OLFM1: variants seen among roughly 807,000 people sequenced by gnomAD.
OLFM1 encodes the protein noelin.
OLFM1 carries 9 observed loss-of-function variants against 49.7 expected under a neutral mutation model. The ratio of observed to expected loss-of-function variants is 0.18; its 90% CI spans 0.11 to 0.32. The LOEUF (loss-of-function observed/expected upper bound fraction) is 0.32, where lower values mean the gene tolerates loss of function less well. Ranked by LOEUF, OLFM1 falls within the 10% of genes least tolerant of loss-of-function variation. The pLI, the probability that OLFM1 is intolerant of heterozygous loss-of-function variation, is 1.00. For synonymous variants in OLFM1, 240 were observed against 271.8 expected (o/e 0.88, Z 1.15); for missense variants, 369 against 661.8 (o/e 0.56, Z 4.85).
chr9:135,102,551 G>A (rs1464205567), intron 4 of OLFM1, among the ~76,000 whole-genome samples: 1 of 152,296 alleles, frequency 6.6e-6, no homozygotes, highest in Non-Finnish European at 1.5e-5. Flanking sequence ...CTGGAGGCCC[G>A]CCCTTCCTGC....
At chr9:135,095,670 A>C (rs1384849366) in intron 2 of OLFM1, among the ~76,000 whole-genome samples, 194 bp from the exon 3 acceptor site, 1 of 152,076 alleles carries the variant, frequency 6.6e-6, no homozygotes, top group African/African-American at 2.4e-5. Flanking sequence ...TACCCAACCA[A>C]TTTGCTGTGT....
intron 1 of OLFM1, among the ~76,000 whole-genome samples, chr9:135,089,092 G>A (rs1462571405): frequency 6.6e-6 from 1 of 152,208 alleles, no homozygotes; most frequent in Non-Finnish European, 1.5e-5. Context: ...CAGGGGTTTA[G>A]TGCCCTGCGA....
intron 5 of OLFM1, among the ~76,000 whole-genome samples, chr9:135,108,249 C>T (rs1460846154): frequency 6.6e-6 from 1 of 152,172 alleles, no homozygotes; most frequent in Non-Finnish European, 1.5e-5. Flanking sequence ...TGGAAAACCC[C>T]ACTTATGTTC....
chr9:135,075,601 G>T (rs1830452471), exon 1 of OLFM1: 1 of 673,568 alleles, frequency 1.5e-6, no homozygotes, highest in Non-Finnish European at 2.2e-6. Context: ...ATCCAGGCGT[G>T]GGGACACGAG....
chr9:135,120,312 G>A lies in OLFM1; in HGVS notation c.*134G>A, dbSNP rs763615586. On this transcript the variant is annotated 3_prime_UTR_variant, in exon 6 of 6. Transcript: ENST00000371793. Reference sequence around the variant, plus strand: ...CATCAGCAGTGCGGATTCTGACATCGAGGGATGGCATTACCTCCGTGTTTC... The same window carrying A: ...CATCAGCAGTGCGGATTCTGACATCAAGGGATGGCATTACCTCCGTGTTTC... 20 of 774,236 alleles carry A rather than the reference G, an allele frequency of 2.6e-5. No homozygotes were observed. The highest frequency in any genetic ancestry group is 3.2e-5 in the Non-Finnish European group (16 of 494,936). 48.0% of individuals were successfully genotyped at this position (774,236 alleles called of 1,614,324 possible).
upstream of OLFM1, among the ~76,000 whole-genome samples, chr9:135,084,230 A>G (rs1037796634): frequency 5.9e-5 from 9 of 152,180 alleles, no homozygotes; most frequent in African/African-American, 1.9e-4. This position sits in a 1 kb window ranked among gnomAD's most constrained non-coding sequence, Gnocchi z 4.6. Flanking sequence ...AAAGCTACAT[A>G]CAACGTAGAA....
At position 135,098,364 on chromosome 9, in the gene OLFM1, T is replaced by C; in HGVS notation, c.535T>C (p.Leu179=). The part of the protein sequence containing the change: ...EEYKADAKLV[L]QFKEEVQNLT... ...GTACAAGGCCGATGCCAAATTGGTA[T>C]TGCAGTTTAAAGAGGAGGTCCAGAA... The change falls in exon 4 of 6, where the codon TTG becomes CTG. Residue 179 remains leucine, a synonymous_variant. Transcript: ENST00000371793. This position sits in a 1 kb window ranked among gnomAD's most constrained non-coding sequence, Gnocchi z 5.6. 3 of 1,613,934 alleles carry C rather than the reference T, an allele frequency of 1.9e-6. No homozygotes were observed. The highest frequency in any genetic ancestry group is 2.5e-6 in the Non-Finnish European group (3 of 1,180,030).
rs118141801 is a variant in OLFM1 at position 135,080,789 on chromosome 9, G to A, written c.96+4987G>A. On this transcript the variant is annotated intron_variant, in intron 1 of 5. Transcript: ENST00000252854. This position sits in a 1 kb window ranked among gnomAD's most constrained non-coding sequence, Gnocchi z 4.5. The stretch of plus-strand genomic sequence containing the variant: ...CAACCACGAGCTAGGCTGACAGGGC[G>A]AGCAGCCAATTTCCAGCTCTGAAAG... Among the ~76,000 whole-genome samples the A allele has an allele frequency of 2.8e-4, 43 of 152,214 alleles. 1 individual carries two copies. The East Asian group carries it at 7.7e-3, about 27-fold the overall frequency.
Position 135,087,828 on chromosome 9 carries a change from C to G in OLFM1, c.-162C>G. 8 of 899,798 alleles carry G rather than the reference C, an allele frequency of 8.9e-6. No individual in the cohort carries two copies. The highest frequency in any genetic ancestry group is 9.3e-6 in the Non-Finnish European group (7 of 754,732). The allele number at this position is 899,798 out of a possible 1,614,324, so 55.7% of individuals were successfully genotyped here. A position where few individuals can be genotyped will look rare whatever the true frequency, so the allele number is the denominator to read the frequency against. ...GGGGAAGGCGCGGCGATGGCCGGGG[C>G]GCGCGGGGCGGCGGCGGCGGCGGGC... On this transcript the variant is annotated 5_prime_UTR_variant, in exon 1 of 6. Coordinates refer to ENST00000371793, the MANE Select transcript of OLFM1 (RefSeq NM_001282611.2).
At position 135,088,233 on chromosome 9, in the gene OLFM1, C is replaced by T. The variant is rs1830628517; in HGVS notation, c.150+94C>T. ...AGCCCCGGGCTGGGCGGGCGCCGCG[C>T]GGGACCCGAGTCGCCCAGGGAGGCG... is the stretch of plus-strand genomic sequence containing the variant. On this transcript the variant is annotated intron_variant, in intron 1 of 5. Coordinates refer to ENST00000371793, the MANE Select transcript of OLFM1 (RefSeq NM_001282611.2). This position sits in a 1 kb window ranked among gnomAD's most constrained non-coding sequence, Gnocchi z 4.8. The T allele has an allele frequency of 2.6e-6, 3 of 1,148,596 alleles. No individual in the cohort carries two copies. Among genetic ancestry groups the T allele is most frequent in the Admixed American group, 4.5e-5 (1 of 22,390 alleles). The allele number at this position is 1,148,596 out of a possible 1,614,324, so 71.2% of individuals were successfully genotyped here.
At chr9:135,085,664 G>A (rs1029508325), upstream of OLFM1, among the ~76,000 whole-genome samples, 6 of 152,266 alleles carry the variant, frequency 3.9e-5, no homozygotes, top group Admixed American at 2.6e-4. Context: ...GGGATTGAAA[G>A]TCCTCTTTAG....
intron 5 of OLFM1, among the ~76,000 whole-genome samples, chr9:135,107,153 GGGC>G (rs1329058191): frequency 6.6e-6 from 1 of 151,978 alleles, no homozygotes. Context: ...GGGCTGGGCT[GGGC>G]TGGGCTGGGC....
chr9:135,111,247 C>T (rs1489279909), intron 5 of OLFM1, among the ~76,000 whole-genome samples: 2 of 152,212 alleles, frequency 1.3e-5, no homozygotes, highest in African/African-American at 4.8e-5. Context: ...AGGAAGAACC[C>T]ACCCGTTGCT....
At chr9:135,103,012 C>G (rs542092182) in intron 4 of OLFM1, among the ~76,000 whole-genome samples, 27 of 152,360 alleles carry the variant, frequency 1.8e-4, no homozygotes, top group Non-Finnish European at 5.9e-5. Context: ...ATCAGCTTGT[C>G]CAGGCTCCCG....
chr9:135,088,922 G>A lies in OLFM1; in HGVS notation c.150+783G>A, dbSNP rs990599706. Among the ~76,000 whole-genome samples, 5 of 152,236 alleles carry A rather than the reference G, an allele frequency of 3.3e-5. No individual in the cohort carries two copies. Among genetic ancestry groups the A allele is most frequent in the Non-Finnish European group, 5.9e-5 (4 of 68,032 alleles). Reference sequence around the variant, plus strand: ...GTGGCCGGGGCTGCTTCTGGGCAGAGCTGACTTAGATGGCTGAGCGAGGCT... The same window carrying A: ...GTGGCCGGGGCTGCTTCTGGGCAGAACTGACTTAGATGGCTGAGCGAGGCT... On this transcript the variant is annotated intron_variant, in intron 1 of 5. Transcript: ENST00000371793. This position sits in a 1 kb window ranked among gnomAD's most constrained non-coding sequence, Gnocchi z 4.8.
intron 1 of OLFM1, among the ~76,000 whole-genome samples, 186 bp from the exon 2 acceptor site, chr9:135,090,009 C>T (rs1830658052): frequency 6.6e-6 from 1 of 152,192 alleles, no homozygotes; most frequent in African/African-American, 2.4e-5. Context: ...TAACAGGAGA[C>T]CTGTGCCTCT....
upstream of OLFM1, among the ~76,000 whole-genome samples, chr9:135,082,673 G>A (rs572936928): frequency 1.0e-3 from 156 of 152,290 alleles, no homozygotes; most frequent in African/African-American, 3.6e-3. Flanking sequence ...CTCAGCCTCA[G>A]CATCTTGTCC....
chr9:135,091,714 T>TAGTCACACACAGTCACACTCAC, intron 2 of OLFM1, among the ~76,000 whole-genome samples: 1 of 23,790 alleles, frequency 4.2e-5, no homozygotes, highest in Non-Finnish European at 9.6e-5. Context: ...CACTCACACA[T>TAGTCACACACAGTCACACTCAC]AGTCACACAC....
In OLFM1 at chr9:135,113,183, T is replaced by A. The variant is rs1034095743; in HGVS notation, c.784-6321T>A. Among the ~76,000 whole-genome samples the A allele has an allele frequency of 6.6e-6, 1 of 152,126 alleles. No individual in the cohort carries two copies. Among genetic ancestry groups the A allele is most frequent in the Non-Finnish European group, 1.5e-5 (1 of 68,006 alleles). The stretch of plus-strand genomic sequence containing the variant: ...AGTGGGGATTTGGGGACGGGGTCCC[T>A]AAGCCTCTGTGACTCTGTGGAGGGA... On this transcript the variant is annotated intron_variant, in intron 5 of 5. Coordinates refer to ENST00000371793, the MANE Select transcript of OLFM1 (RefSeq NM_001282611.2). This position sits in a 1 kb window ranked among gnomAD's most constrained non-coding sequence, Gnocchi z 4.0.
Sources: gnomAD v4.1 joint callset for allele counts (sites outside exome capture counted in the v4.1 genomes callset) on GRCh38, gnomAD v4.1.1 for gene constraint, Gnocchi (gnomAD v3.1) non-coding constraint, MANE v1.5 for transcripts, NCBI Gene and HGNC (gene_info 2026-07-23, HGNC 2026-07-21) for gene names.